SEC13: variants seen among roughly 807,000 people sequenced by gnomAD.
SEC13 encodes protein SEC13 homolog.
Under a neutral mutation model 49.2 loss-of-function variants are expected in SEC13, and 25 were observed. The observed-to-expected ratio is 0.51, with a 90% CI of 0.37 to 0.71. The LOEUF is 0.71. Among genes scored for constraint, SEC13 ranks in the 30% least tolerant of loss-of-function variants. SEC13 has a pLI of 0.00. For missense variants in SEC13, 383 were observed against 417.6 expected, an observed-to-expected ratio of 0.92 and a Z score of 0.72; for synonymous variants, 148 against 163.9, an observed-to-expected ratio of 0.90 and a Z score of 0.74.
chr3:10,312,715 C>A lies in SEC13; in HGVS notation c.180G>T (p.Val60=). ...IADLRGHEGP[V]WQVAWAHPMY... ...TGGGGTGAGCCCAGGCCACTTGCCA[C>A]ACAGGACCCTCATGACTACAAAGGG... Residue 60 remains valine, a synonymous_variant, in exon 4 of 9, where the codon GTG becomes GTT. Coordinates refer to ENST00000350697, the MANE Select transcript of SEC13 (RefSeq NM_183352.3). 8 of 1,614,198 alleles carry A rather than the reference C, an allele frequency of 5.0e-6. No homozygotes were observed. Among genetic ancestry groups the A allele is most frequent in the Non-Finnish European group, 6.8e-6 (8 of 1,180,024 alleles).
chr3:10,308,551 C>T (rs1246805864), intron 5 of SEC13, among the ~76,000 whole-genome samples: 1 of 152,034 alleles, frequency 6.6e-6, no homozygotes, highest in Non-Finnish European at 1.5e-5. Context: ...TTTGTGTGAA[C>T]TTCAAAGTCA....
At chr3:10,318,014 C>G (rs1040274636) in intron 2 of SEC13, 36 bp downstream of exon 2, 14 of 1,491,764 alleles carry the variant, frequency 9.4e-6, no homozygotes, top group African/African-American at 1.4e-5. Context: ...ATGCCCATGT[C>G]CACACCCCTC....
At chr3:10,311,583 T>C in intron 5 of SEC13, 2 of 958,500 alleles carry the variant, frequency 2.1e-6, no homozygotes, top group Non-Finnish European at 2.5e-6. Flanking sequence ...TTGTTTATAT[T>C]AATCTTTCTT....
At chr3:10,307,319 C>G (rs1377036877) in intron 5 of SEC13, among the ~76,000 whole-genome samples, 1 of 151,896 alleles carries the variant, frequency 6.6e-6, no homozygotes, top group East Asian at 1.9e-4. Context: ...AGTGATTCTC[C>G]TGCCTCAGCC....
Position 10,307,397 on chromosome 3 carries a change from C to T in SEC13, c.451-1705G>A, listed in dbSNP as rs913790220. ...CTAATTTTTGTATTTTTAGTAGCGTCGGGGTGTGTTAGTCCATTTTCACGC... is the reference window on the plus strand; with the variant it reads ...CTAATTTTTGTATTTTTAGTAGCGTTGGGGTGTGTTAGTCCATTTTCACGC... On this transcript the variant is annotated intron_variant, in intron 5 of 8. Coordinates refer to ENST00000350697, the MANE Select transcript of SEC13 (RefSeq NM_183352.3). Among the ~76,000 whole-genome samples, 5 of 151,728 alleles carry T rather than the reference C, an allele frequency of 3.3e-5. No homozygotes were observed. In the South Asian group the frequency reaches 6.3e-4, roughly 19 times the overall value.
chr3:10,306,748 A>G (rs1700902236), intron 5 of SEC13, among the ~76,000 whole-genome samples: 1 of 152,140 alleles, frequency 6.6e-6, no homozygotes, highest in Admixed American at 6.5e-5. Context: ...AGATCTGACG[A>G]TTTTAAAAAT....
At position 10,304,358 on chromosome 3, in the gene SEC13, T is replaced by C. The variant is rs556352842; in HGVS notation, c.709-186A>G. 2.0e-5 allele frequency among the ~76,000 whole-genome samples: 3 copies of C among 152,284 alleles called. 1 individual carries two copies. Among genetic ancestry groups the C allele is most frequent in the South Asian group, 2.1e-4 (1 of 4,818 alleles). On this transcript the variant is annotated intron_variant, in intron 7 of 8. Coordinates refer to ENST00000350697, the MANE Select transcript of SEC13 (RefSeq NM_183352.3). ...TGTCTCTTCACACTGGTTAAGAGTCTCCCGGATTCCTTTTCTCATCCGGGT... is the reference window on the plus strand; with the variant it reads ...TGTCTCTTCACACTGGTTAAGAGTCCCCCGGATTCCTTTTCTCATCCGGGT...
chr3:10,305,590 C>G lies in SEC13; in HGVS notation c.553G>C (p.Gly185Arg). 6.2e-7 allele frequency: 1 copy of G among 1,614,172 alleles called. No homozygotes were observed. Among genetic ancestry groups the G allele is most frequent in the Non-Finnish European group, 8.5e-7 (1 of 1,180,032 alleles). Residue 185 changes from glycine (G) to arginine (R), a missense_variant, in exon 6 of 9, where the codon GGT becomes CGT. By Grantham distance (125) the Gly-to-Arg change is moderately radical (BLOSUM62 -2). Transcript: ENST00000350697. ...AGCTTGATGAGGTTGTCACAGCCAC[C>G]TGATGCAAACCTCTTGATGTAATTG... is the stretch of plus-strand genomic sequence containing the variant. Reference protein sequence around the residue: ...KPNYIKRFASGGCDNLIKLWK... With the variant: ...KPNYIKRFASRGCDNLIKLWK...
chr3:10,312,551 GC>G (rs1216636567), intron 4 of SEC13, 27 bp downstream of exon 4: 2 of 1,612,564 alleles, frequency 1.2e-6, no homozygotes, highest in South Asian at 2.2e-5. Flanking sequence ...TGGTCCCCTT[GC>G]CCGCTCTGCT....
chr3:10,303,749 G>A, intron 8 of SEC13: 1 of 492,572 alleles, frequency 2.0e-6, no homozygotes, highest in Non-Finnish European at 3.7e-6. Context: ...GTAGGGTGAT[G>A]GGCCTGACTG....
chr3:10,313,009 C>T lies in SEC13; in HGVS notation c.165-279G>A, dbSNP rs567650855. 2.6e-4 allele frequency: 102 copies of T among 398,126 alleles called. No homozygotes were observed. In the East Asian group the frequency reaches 4.5e-3, roughly 18 times the overall value. 24.7% of individuals were successfully genotyped at this position (398,126 alleles called of 1,614,324 possible). A position where few individuals can be genotyped will look rare whatever the true frequency, so the allele number is the denominator to read the frequency against. ...TGGCCAGGCAGGAGCCTCACTTGCC[C>T]AGACTGCAGCCAGCACTGTCTGTAT... On this transcript the variant is annotated intron_variant, in intron 3 of 8. Transcript: ENST00000350697.
chr3:10,312,194 C>A, intron 4 of SEC13, 96 bp from the exon 5 acceptor site: 1 of 1,475,956 alleles, frequency 6.8e-7, no homozygotes, highest in Non-Finnish European at 9.0e-7. Flanking sequence ...ATGTCTACAA[C>A]AAACAACTGT....
chr3:10,301,036 C>T lies in SEC13; in HGVS notation c.*225G>A. ...TGACCCAAAATAGATTTGAACATCACTTGTAGTTTCTTCCTCGTAACATGA... is the reference window on the plus strand; with the variant it reads ...TGACCCAAAATAGATTTGAACATCATTTGTAGTTTCTTCCTCGTAACATGA... On this transcript the variant is annotated 3_prime_UTR_variant, in exon 9 of 9. Coordinates refer to ENST00000350697, the MANE Select transcript of SEC13 (RefSeq NM_183352.3). The T allele has an allele frequency of 6.4e-7, 1 of 1,570,200 alleles. No homozygotes were observed.
chr3:10,305,525 C>T (rs745555858), intron 6 of SEC13, 34 bp downstream of exon 6: 28 of 1,609,566 alleles, frequency 1.7e-5, no homozygotes, highest in Non-Finnish European at 2.2e-5. Context: ...GTAGAAGTGT[C>T]CCCTCAAAGA....
intron 5 of SEC13, chr3:10,311,447 G>C (rs537088178): frequency 6.0e-6 from 1 of 165,986 alleles, no homozygotes; most frequent in African/African-American, 2.4e-5. Context: ...GTTGGTTTTT[G>C]AACTGTGTGG....
At chr3:10,303,620 A>T (rs1227637233) in intron 8 of SEC13, 1 of 273,158 alleles carries the variant, frequency 3.7e-6, no homozygotes, top group Non-Finnish European at 7.2e-6. Flanking sequence ...GGTTTTTAAA[A>T]AGCCTTTTCA....
chr3:10,316,301 G>C (rs763073333), intron 2 of SEC13, among the ~76,000 whole-genome samples: 25 of 152,124 alleles, frequency 1.6e-4, no homozygotes, highest in Non-Finnish European at 3.7e-4. Context: ...GGGAGTTTCA[G>C]GACTATCAGC....
At chr3:10,311,099 C>T (rs1267332877) in intron 5 of SEC13, among the ~76,000 whole-genome samples, 1 of 151,628 alleles carries the variant, frequency 6.6e-6, no homozygotes, top group Admixed American at 6.6e-5. Context: ...CCTGTGTCTG[C>T]GTGGGCTCTC....
intron 8 of SEC13, among the ~76,000 whole-genome samples, chr3:10,302,748 C>T (rs1700615383): frequency 6.6e-6 from 1 of 152,218 alleles, no homozygotes; most frequent in African/African-American, 2.4e-5. Flanking sequence ...TTCACAGCCA[C>T]ACTATTCGCA....
Sources: allele counts gnomAD v4.1 joint callset (sites outside exome capture counted in the v4.1 genomes callset), GRCh38; gene constraint gnomAD v4.1.1; transcripts MANE v1.5; gene names NCBI Gene and HGNC (gene_info 2026-07-23, HGNC 2026-07-21).